Variants in CALN1 observed in about 807,000 individuals in gnomAD.
The protein encoded by CALN1 is calcium-binding protein 8.
A neutral mutation model predicts 30.6 loss-of-function variants in CALN1; 17 were observed. The ratio of observed to expected loss-of-function variants is 0.56; its 90% CI spans 0.38 to 0.83. CALN1 has a LOEUF of 0.83. Ranked by LOEUF, CALN1 falls within the 40% of genes least tolerant of loss-of-function variation. The probability of loss-of-function intolerance (pLI) is 0.00; values close to 1 mark genes in which losing one functional copy is unlikely to be tolerated. For synonymous variants in CALN1, 156 were observed against 131.4 expected (o/e 1.19, Z -1.28); for missense variants, 291 against 354.9 (o/e 0.82, Z 1.45).
At chr7:72,264,562 T>TA (rs1393946890) in intron 3 of CALN1, among the ~76,000 whole-genome samples, 1 of 151,808 alleles carries the variant, frequency 6.6e-6, no homozygotes, top group Non-Finnish European at 1.5e-5. Context: ...GGTGCGATCA[T>TA]AGCTCATTGC....
chr7:72,221,667 A>G (rs1793313366), intron 3 of CALN1, among the ~76,000 whole-genome samples: 1 of 152,098 alleles, frequency 6.6e-6, no homozygotes, highest in East Asian at 1.9e-4. Context: ...AGGAGAGCGG[A>G]TCACCTGAGG....
intron 5 of CALN1, among the ~76,000 whole-genome samples, chr7:71,983,768 G>A (rs1482593748): frequency 6.6e-6 from 1 of 152,100 alleles, no homozygotes; most frequent in African/African-American, 2.4e-5. Flanking sequence ...CTGACCTCAG[G>A]TGATCCACCC....
intron 5 of CALN1, among the ~76,000 whole-genome samples, chr7:71,952,817 C>G (rs1044019529): frequency 3.3e-5 from 5 of 152,162 alleles, no homozygotes; most frequent in African/African-American, 1.2e-4. Context: ...TCCTTCCTGC[C>G]TTCACATTCA....
At chr7:71,852,104 T>C (rs571850301) in intron 5 of CALN1, among the ~76,000 whole-genome samples, 1 of 152,298 alleles carries the variant, frequency 6.6e-6, no homozygotes, top group South Asian at 2.1e-4. Flanking sequence ...CATTAGAACA[T>C]GATTAGTTCA....
At chr7:72,370,816 G>A (rs1804192407) in intron 2 of CALN1, among the ~76,000 whole-genome samples, 1 of 152,088 alleles carries the variant, frequency 6.6e-6, no homozygotes, top group Non-Finnish European at 1.5e-5. Context: ...GGAGGCCAAG[G>A]CAGTGGATTA....
chr7:72,400,441 G>A (rs1430719632), intron 2 of CALN1, among the ~76,000 whole-genome samples: 1 of 152,142 alleles, frequency 6.6e-6, no homozygotes, highest in Admixed American at 6.5e-5. Flanking sequence ...ATCCTTCTAG[G>A]TCCTTGATGA....
At chr7:72,443,734 GAAC>G (rs1562970967) in intron 1 of CALN1, among the ~76,000 whole-genome samples, 1 of 151,868 alleles carries the variant, frequency 6.6e-6, no homozygotes, top group African/African-American at 2.4e-5. Flanking sequence ...CTTTACTTGA[GAAC>G]AGGGGGCAGC....
At chr7:72,085,414 G>A (rs894363054) in intron 4 of CALN1, among the ~76,000 whole-genome samples, 1 of 152,148 alleles carries the variant, frequency 6.6e-6, no homozygotes, top group Non-Finnish European at 1.5e-5. Flanking sequence ...ATATTGTTAA[G>A]ATTGTTCTAT....
intron 5 of CALN1, among the ~76,000 whole-genome samples, chr7:71,839,002 G>T (rs1317317597): frequency 6.6e-6 from 1 of 151,950 alleles, no homozygotes; most frequent in Non-Finnish European, 1.5e-5. Flanking sequence ...TAGAGAGAGG[G>T]TCTCACCATG....
chr7:71,940,673 A>C (rs1796078610), intron 5 of CALN1, among the ~76,000 whole-genome samples: 2 of 152,108 alleles, frequency 1.3e-5, no homozygotes, highest in African/African-American at 4.8e-5. Flanking sequence ...GCATGATCTC[A>C]GCTCATTGCA....
chr7:71,938,211 T>A (rs1795946783), intron 5 of CALN1, among the ~76,000 whole-genome samples: 1 of 152,182 alleles, frequency 6.6e-6, no homozygotes, highest in East Asian at 1.9e-4. Context: ...GACACATAGC[T>A]GTGCCTACCC....
intron 3 of CALN1, among the ~76,000 whole-genome samples, chr7:72,127,224 A>T (rs1033058520): frequency 1.3e-5 from 2 of 152,012 alleles, no homozygotes; most frequent in African/African-American, 4.8e-5. Context: ...AGTGTTCCAG[A>T]CAGAGGAAAC....
chr7:71,913,135 C>T (rs1376722187), intron 5 of CALN1, among the ~76,000 whole-genome samples: 3 of 152,292 alleles, frequency 2.0e-5, no homozygotes, highest in South Asian at 2.1e-4. Context: ...AGGGTTACCT[C>T]GTCCCATCTG....
chr7:71,861,661 C>T (rs1320561152), intron 5 of CALN1, among the ~76,000 whole-genome samples: 1 of 151,558 alleles, frequency 6.6e-6, no homozygotes, highest in Admixed American at 6.6e-5. Context: ...TGCACCTAGT[C>T]CCAGCTACTC....
rs1333454986 is a variant in CALN1, at chr7:72,281,131, C to T, written c.120-2321G>A. 7.0e-4 allele frequency among the ~76,000 whole-genome samples: 105 copies of T among 149,270 alleles called. 3 individuals carry two copies. The highest frequency in any genetic ancestry group is 7.5e-5 in the African/African-American group (3 of 39,858). ...TGCTCTCCAGCCTGGGCAACAAGAG[C>T]GTCTAAAAAAAAAAAAAGATGAATT... is the stretch of plus-strand genomic sequence containing the variant. On this transcript the variant is annotated intron_variant, in intron 2 of 6. Coordinates refer to ENST00000395275, the MANE Select transcript of CALN1 (RefSeq NM_031468.4).
At chr7:72,311,786 C>T (rs1283559935) in intron 2 of CALN1, among the ~76,000 whole-genome samples, 1 of 151,448 alleles carries the variant, frequency 6.6e-6, no homozygotes, top group Non-Finnish European at 1.5e-5. Flanking sequence ...CGTGAGCCAC[C>T]ACCGCGCCTG....
chr7:72,053,725 T>C (rs923480740), intron 4 of CALN1, among the ~76,000 whole-genome samples: 3 of 152,180 alleles, frequency 2.0e-5, no homozygotes, highest in South Asian at 4.1e-4. Flanking sequence ...TGTGAGAACA[T>C]GGTGTACCCA....
chr7:72,185,538 T>C (rs1406396099), intron 3 of CALN1, among the ~76,000 whole-genome samples: 1 of 152,172 alleles, frequency 6.6e-6, no homozygotes, highest in Non-Finnish European at 1.5e-5. Context: ...TATAAATATG[T>C]CACCTTACAT....
intron 5 of CALN1, among the ~76,000 whole-genome samples, chr7:72,006,147 G>C (rs1799762074): frequency 6.6e-6 from 1 of 152,142 alleles, no homozygotes; most frequent in African/African-American, 2.4e-5. Context: ...AATCCAGCTT[G>C]CATAGTGCCA....
Sources: gnomAD v4.1 joint callset for allele counts (sites outside exome capture counted in the v4.1 genomes callset) on GRCh38, gnomAD v4.1.1 for gene constraint, MANE v1.5 for transcripts, NCBI Gene and HGNC (gene_info 2026-07-23, HGNC 2026-07-21) for gene names.